The following CACNA2D3 variants were observed in gnomAD, a reference collection of about 807,000 sequenced individuals.
The protein encoded by CACNA2D3 is calcium voltage-gated channel auxiliary subunit alpha2delta 3.
Under a neutral mutation model 160.6 loss-of-function variants are expected in CACNA2D3, and 60 were observed. The observed-to-expected ratio is 0.37, with a 90% CI of 0.30 to 0.46. The LOEUF (loss-of-function observed/expected upper bound fraction) is 0.46. CACNA2D3 is among the 20% of genes least tolerant of loss of function. CACNA2D3 has a pLI of 1.00. For synonymous variants in CACNA2D3, 558 were observed against 492.9 expected, an observed-to-expected ratio of 1.13 and a Z score of -1.75; for missense variants, 1,205 against 1,365.0, an observed-to-expected ratio of 0.88 and a Z score of 1.85.
intron 13 of CACNA2D3, among the ~76,000 whole-genome samples, chr3:54,815,844 C>A (rs576903743): frequency 6.6e-6 from 1 of 152,280 alleles, no homozygotes; most frequent in East Asian, 1.9e-4. Context: ...AAATGTTAGT[C>A]CCTATGTTGA....
intron 5 of CACNA2D3, among the ~76,000 whole-genome samples, chr3:54,552,330 CCCCT>C (rs1702172111): frequency 6.6e-6 from 1 of 152,094 alleles, no homozygotes; most frequent in Non-Finnish European, 1.5e-5. Flanking sequence ...CTGAGGGAGC[CCCCT>C]CTTCTAGGTG....
At chr3:54,277,831 A>C (rs1236329425) in intron 2 of CACNA2D3, among the ~76,000 whole-genome samples, 3 of 152,116 alleles carry the variant, frequency 2.0e-5, no homozygotes. Context: ...TTCTCCTTGA[A>C]GAGGTCCTTC....
chr3:55,029,286 T>C (rs1703633223), intron 35 of CACNA2D3, among the ~76,000 whole-genome samples: 1 of 152,188 alleles, frequency 6.6e-6, no homozygotes, highest in Admixed American at 6.5e-5. Flanking sequence ...AACACATTAT[T>C]TAAATGCCCT....
In CACNA2D3 at chr3:54,598,327, A is replaced by AAAAAAAAAG; in HGVS notation, c.963+16455_963+16456insAAAGAAAAA. ...TCTCACAAAAAAAAAAAAAAAAAAA[A>AAAAAAAAAG]AAAAAGAAGAAAGGAAAAAAAAGAA... On this transcript the variant is annotated intron_variant, in intron 9 of 37. Transcript: ENST00000474759. Among the ~76,000 whole-genome samples, 2 of 149,828 alleles carry AAAAAAAAAG rather than the reference A, an allele frequency of 1.3e-5. 1 individual carries two copies. Among genetic ancestry groups the AAAAAAAAAG allele is most frequent in the South Asian group, 4.2e-4 (2 of 4,782 alleles).
At chr3:54,452,572 A>G (rs2106820517) in intron 4 of CACNA2D3, among the ~76,000 whole-genome samples, 1 of 152,260 alleles carries the variant, frequency 6.6e-6, no homozygotes, top group Non-Finnish European at 1.5e-5. Context: ...TTCTGTCTTG[A>G]ATCTCAAAAT....
At chr3:55,040,348 C>T (rs1350611242) in intron 35 of CACNA2D3, among the ~76,000 whole-genome samples, 1 of 152,158 alleles carries the variant, frequency 6.6e-6, no homozygotes, top group Non-Finnish European at 1.5e-5. Flanking sequence ...ATCTCACTTC[C>T]TAACCATATC....
At position 54,303,818 on chromosome 3, in the gene CACNA2D3, G is replaced by GTTTTTTGTTTTTTTTTTTTTTTTTTTTTT. The variant is rs59534343; in HGVS notation, c.205-16618_205-16617insGTTTTTTTTTTTTTTTTTTTTTTTTTTTT. ...CAGCCTCATCAGTGACTTTTTTTCT[G>GTTTTTTGTTTTTTTTTTTTTTTTTTTTTT]TTTTTTTTTTTTTTTTTTTTCTATT... On this transcript the variant is annotated intron_variant, in intron 2 of 37. Transcript: ENST00000474759. 5.2e-5 allele frequency among the ~76,000 whole-genome samples: 6 copies of GTTTTTTGTTTTTTTTTTTTTTTTTTTTTT among 115,012 alleles called. 1 individual carries two copies. Among genetic ancestry groups the GTTTTTTGTTTTTTTTTTTTTTTTTTTTTT allele is most frequent in the Non-Finnish European group, 5.1e-5 (3 of 58,428 alleles). 75.5% of individuals were successfully genotyped at this position (115,012 alleles called of 152,430 possible). A position where few individuals can be genotyped will look rare whatever the true frequency, so the allele number is the denominator to read the frequency against.
rs192238476 is a variant in CACNA2D3, at chr3:54,238,577, G to A, written c.205-81865G>A. 2.7e-3 allele frequency among the ~76,000 whole-genome samples: 418 copies of A among 152,268 alleles called. 1 individual carries two copies. The highest frequency in any genetic ancestry group is 4.8e-3 in the African/African-American group (201 of 41,564). The stretch of plus-strand genomic sequence containing the variant: ...TCTCAAGTTATCTAGTTTTTAGGTT[G>A]TCAGTTTTTATACATGACAGTACCT... On this transcript the variant is annotated intron_variant, in intron 2 of 37. Transcript: ENST00000474759.
intron 34 of CACNA2D3, among the ~76,000 whole-genome samples, chr3:55,017,536 C>T (rs1171067638): frequency 6.6e-6 from 1 of 152,166 alleles, no homozygotes; most frequent in African/African-American, 2.4e-5. Context: ...CTCACATCAA[C>T]CTCTGATAGA....
chr3:54,143,720 C>T (rs943638862), intron 2 of CACNA2D3, among the ~76,000 whole-genome samples: 2 of 151,944 alleles, frequency 1.3e-5, no homozygotes, highest in African/African-American at 2.4e-5. Flanking sequence ...AGGATGGTCT[C>T]GATGTTCTGA....
chr3:54,687,139 T>TTTC (rs1700474780), intron 11 of CACNA2D3, among the ~76,000 whole-genome samples: 3 of 64,880 alleles, frequency 4.6e-5, no homozygotes, highest in Non-Finnish European at 9.6e-5. Context: ...TTTTTTGTTT[T>TTTC]TTTTTTTTTT....
At chr3:54,951,648 TCCCAGTTC>T (rs1324812519) in intron 27 of CACNA2D3, among the ~76,000 whole-genome samples, 1 of 150,692 alleles carries the variant, frequency 6.6e-6, no homozygotes, top group Non-Finnish European at 1.5e-5. Flanking sequence ...AGGGCTCCAG[TCCCAGTTC>T]CAAGAAGTCC....
chr3:54,200,122 T>C (rs1701151570), intron 2 of CACNA2D3, among the ~76,000 whole-genome samples: 1 of 152,236 alleles, frequency 6.6e-6, no homozygotes. Context: ...GCAGATACCA[T>C]GACCTTGGCA....
Position 54,630,724 on chromosome 3 carries a change from C to T in CACNA2D3, c.1053+2848C>T, listed in dbSNP as rs185822674. Among the ~76,000 whole-genome samples the T allele has an allele frequency of 1.8e-4, 27 of 152,282 alleles. No individual in the cohort carries two copies. In the East Asian group the frequency reaches 4.2e-3, roughly 24 times the overall value. On this transcript the variant is annotated intron_variant, in intron 10 of 37. Coordinates refer to ENST00000474759, the MANE Select transcript of CACNA2D3 (RefSeq NM_018398.3). ...CACACTTTCACAGGGCCTACTAAGA[C>T]CCAGAGAAATCACCAACACATGGTG...
chr3:54,866,975 G>A (rs977226342), intron 17 of CACNA2D3, among the ~76,000 whole-genome samples: 3 of 151,944 alleles, frequency 2.0e-5, no homozygotes, highest in South Asian at 2.1e-4. Flanking sequence ...GATTTTTTTC[G>A]TAAAACAGGC....
At chr3:54,292,602 A>G (rs749648434) in intron 2 of CACNA2D3, among the ~76,000 whole-genome samples, 1 of 152,180 alleles carries the variant, frequency 6.6e-6, no homozygotes, top group Non-Finnish European at 1.5e-5. Flanking sequence ...CCTCAGTGAG[A>G]TATAAATTAA....
At chr3:54,626,769 C>T in intron 9 of CACNA2D3, 1 of 628,938 alleles carries the variant, frequency 1.6e-6, no homozygotes. Context: ...GGCCGTGGTG[C>T]CACCATGGGT....
At chr3:54,237,306 G>T (rs1701897743) in intron 2 of CACNA2D3, among the ~76,000 whole-genome samples, 2 of 152,176 alleles carry the variant, frequency 1.3e-5, no homozygotes, top group South Asian at 4.2e-4. Context: ...GGGGAGCCTT[G>T]AAACAGGTAG....
chr3:54,775,034 ACTTTC>A (rs1349433039), intron 13 of CACNA2D3, among the ~76,000 whole-genome samples: 9 of 152,212 alleles, frequency 5.9e-5, no homozygotes, highest in Non-Finnish European at 2.9e-5. Flanking sequence ...AATGTTGTTA[ACTTTC>A]ATTACATTTA....
Sources: allele counts gnomAD v4.1 joint callset (sites outside exome capture counted in the v4.1 genomes callset), GRCh38; gene constraint gnomAD v4.1.1; transcripts MANE v1.5; gene names NCBI Gene and HGNC (gene_info 2026-07-23, HGNC 2026-07-21).